Variants in SH2D4B observed in about 807,000 individuals in gnomAD.
SH2D4B encodes the protein SH2 domain containing 4B.
In SH2D4B, 45 loss-of-function variants were observed where a neutral mutation model predicts 61.5. The observed-to-expected ratio is 0.73, with a 90% confidence interval of 0.58 to 0.94. The LOEUF (loss-of-function observed/expected upper bound fraction) is 0.94. SH2D4B is among the 40% of genes least tolerant of loss of function. The pLI is 0.00. For synonymous variants in SH2D4B, 224 were observed against 220.4 expected (o/e 1.02, Z -0.14); for missense variants, 572 against 574.2 (o/e 1.00, Z 0.04).
chr10:80,603,422 A>C (rs758839513), intron 4 of SH2D4B, among the ~76,000 whole-genome samples, 157 bp from the exon 5 acceptor site: 3 of 152,104 alleles, frequency 2.0e-5, no homozygotes, highest in Non-Finnish European at 4.4e-5. Flanking sequence ...GTGAATCCTG[A>C]GGTTCCTGGA....
At chr10:80,606,824 A>G (rs1454100261) in intron 5 of SH2D4B, among the ~76,000 whole-genome samples, 1 of 152,216 alleles carries the variant, frequency 6.6e-6, no homozygotes, top group East Asian at 1.9e-4. Flanking sequence ...CAGTATCTAT[A>G]CTAAGGAAAT....
intron 6 of SH2D4B, among the ~76,000 whole-genome samples, chr10:80,627,380 C>G (rs1842776725): frequency 6.6e-6 from 1 of 152,174 alleles, no homozygotes; most frequent in Non-Finnish European, 1.5e-5. Context: ...TGACTGCTGC[C>G]TATCGTACAC....
At chr10:80,556,858 A>T (rs1482836909) in intron 1 of SH2D4B, among the ~76,000 whole-genome samples, 1 of 152,142 alleles carries the variant, frequency 6.6e-6, no homozygotes, top group Non-Finnish European at 1.5e-5. Flanking sequence ...GAGACAAATT[A>T]AGTTTTCTCT....
intron 7 of SH2D4B, among the ~76,000 whole-genome samples, chr10:80,639,822 A>G (rs1381751663): frequency 1.3e-5 from 2 of 152,152 alleles, no homozygotes; most frequent in Non-Finnish European, 2.9e-5. Context: ...TCCTGTCATT[A>G]TGATGTTCGC....
intron 1 of SH2D4B, among the ~76,000 whole-genome samples, chr10:80,554,784 T>TG (rs1841807469): frequency 6.6e-6 from 1 of 151,662 alleles, no homozygotes; most frequent in African/African-American, 2.4e-5. Context: ...CCGAGGCGGG[T>TG]GGATCACAAG....
chr10:80,640,134 A>G (rs578003364), intron 7 of SH2D4B, among the ~76,000 whole-genome samples: 1 of 152,146 alleles, frequency 6.6e-6, no homozygotes, highest in African/African-American at 2.4e-5. Flanking sequence ...CTTCTGGCTT[A>G]TAGAGTTTCT....
intron 1 of SH2D4B, among the ~76,000 whole-genome samples, chr10:80,565,926 T>C (rs922567920): frequency 7.3e-5 from 11 of 151,314 alleles, no homozygotes; most frequent in Non-Finnish European, 1.3e-4. Context: ...CCGTCTCTAC[T>C]AAAAATACAA....
intron 4 of SH2D4B, among the ~76,000 whole-genome samples, chr10:80,600,930 A>G (rs1564779907): frequency 6.6e-6 from 1 of 152,206 alleles, no homozygotes; most frequent in Admixed American, 6.5e-5. Flanking sequence ...AATGTCTGCA[A>G]AGCCCATCCC....
intron 7 of SH2D4B, among the ~76,000 whole-genome samples, chr10:80,641,086 C>T (rs1001804022): frequency 1.3e-5 from 2 of 152,180 alleles, no homozygotes; most frequent in African/African-American, 4.8e-5. Context: ...TGGAGGTCCA[C>T]TCCAGACCCT....
chr10:80,553,278 G>A (rs1258391495), intron 1 of SH2D4B, among the ~76,000 whole-genome samples: 1 of 152,140 alleles, frequency 6.6e-6, no homozygotes, highest in African/African-American at 2.4e-5. Flanking sequence ...GCACCATGGT[G>A]GGATTCTCAC....
chr10:80,614,464 TC>T (rs1176564259), intron 6 of SH2D4B, among the ~76,000 whole-genome samples: 4 of 152,228 alleles, frequency 2.6e-5, no homozygotes, highest in African/African-American at 7.2e-5. Context: ...AGGCCCTACT[TC>T]CAACACTGGG....
At chr10:80,597,660 C>T (rs1451939819) in intron 4 of SH2D4B, among the ~76,000 whole-genome samples, 2 of 150,846 alleles carry the variant, frequency 1.3e-5, no homozygotes, top group Non-Finnish European at 2.9e-5. Context: ...AGCGAGACTC[C>T]ATCTCAAAAA....
intron 6 of SH2D4B, 102 bp from the exon 7 acceptor site, chr10:80,634,183 T>C (rs915700342): frequency 7.5e-5 from 106 of 1,419,532 alleles, no homozygotes; most frequent in Admixed American, 1.7e-4. Context: ...GGATGGCATG[T>C]GCACTGAGCC....
intron 6 of SH2D4B, among the ~76,000 whole-genome samples, chr10:80,630,941 A>G (rs898311718): frequency 1.3e-5 from 2 of 152,162 alleles, no homozygotes; most frequent in African/African-American, 4.8e-5. Context: ...GAAGCTGCTC[A>G]AGGGTTTTAG....
At position 80,598,579 on chromosome 10, in the gene SH2D4B, GC is replaced by G. The variant is rs746938984; in HGVS notation, c.644-4998del. Among the ~76,000 whole-genome samples, 22 of 152,086 alleles carry G rather than the reference GC, an allele frequency of 1.4e-4. 1 individual carries two copies. Among genetic ancestry groups the G allele is most frequent in the Admixed American group, 2.6e-4 (4 of 15,264 alleles). On this transcript the variant is annotated intron_variant, in intron 4 of 7. Coordinates refer to ENST00000646907, the MANE Select transcript of SH2D4B (RefSeq NM_001388272.1). ...TAATTTAATATGAAAGATATAGTGG[GC>G]CATTAATCTATGGGGGAGCAGCAGT...
intron 6 of SH2D4B, among the ~76,000 whole-genome samples, chr10:80,631,360 C>A (rs1842832153): frequency 1.3e-5 from 2 of 152,150 alleles, no homozygotes; most frequent in Non-Finnish European, 2.9e-5. Flanking sequence ...GTGATTCTCT[C>A]ACCTCAGCCT....
chr10:80,639,455 C>T (rs1417370778), intron 7 of SH2D4B, among the ~76,000 whole-genome samples: 1 of 151,624 alleles, frequency 6.6e-6, no homozygotes, highest in East Asian at 1.9e-4. Flanking sequence ...CTTGCTTTAT[C>T]TGGGTGCTCC....
At chr10:80,552,157 G>C (rs965207991) in intron 1 of SH2D4B, among the ~76,000 whole-genome samples, 5 of 152,184 alleles carry the variant, frequency 3.3e-5, no homozygotes, top group Non-Finnish European at 7.3e-5. Context: ...ATGAATTGCA[G>C]GGGTACACAA....
Position 80,645,620 on chromosome 10 carries a change from T to C in SH2D4B, c.*1535T>C, listed in dbSNP as rs1035103121. 1.3e-5 allele frequency: 2 copies of C among 152,204 alleles called. No homozygotes were observed. Among genetic ancestry groups the C allele is most frequent in the African/African-American group, 4.8e-5 (2 of 41,448 alleles). The allele number at this position is 152,204 out of a possible 1,614,324, so 9.4% of individuals were successfully genotyped here. A position where few individuals can be genotyped will look rare whatever the true frequency, so the allele number is the denominator to read the frequency against. ...AGCAACCAGTCATGATGAAACCAAG[T>C]GGTGGCCGGATCAGTATGACACCCT... On this transcript the variant is annotated 3_prime_UTR_variant, in exon 8 of 8. Transcript: ENST00000646907.
Sources: allele counts gnomAD v4.1 joint callset (sites outside exome capture counted in the v4.1 genomes callset), GRCh38; gene constraint gnomAD v4.1.1; transcripts MANE v1.5; gene names NCBI Gene and HGNC (gene_info 2026-07-23, HGNC 2026-07-21).